Variants in CDH13 observed in about 807,000 individuals in gnomAD.
CDH13 encodes the protein cadherin-13.
CDH13 carries 24 observed loss-of-function variants against 63.8 expected under a neutral mutation model. The ratio of observed to expected loss-of-function variants is 0.38; its 90% CI spans 0.27 to 0.53. CDH13 has a LOEUF of 0.53. Ranked by LOEUF, CDH13 falls within the 20% of genes least tolerant of loss-of-function variation. CDH13 has a pLI of 0.85. For missense variants in CDH13, 1,049 were observed against 903.1 expected (o/e 1.16, Z -2.07); for synonymous variants, 503 against 355.3 (o/e 1.42, Z -4.67).
chr16:83,593,985 C>T (rs1467284686), intron 7 of CDH13, among the ~76,000 whole-genome samples: 2 of 152,202 alleles, frequency 1.3e-5, no homozygotes, highest in East Asian at 1.9e-4. Context: ...CTCACAGTTT[C>T]CCTGCTCAGG....
chr16:83,050,090 TCAGGA>T (rs1456218118), intron 3 of CDH13, among the ~76,000 whole-genome samples: 1 of 152,172 alleles, frequency 6.6e-6, no homozygotes, highest in African/African-American at 2.4e-5. Flanking sequence ...ATTAAGATAC[TCAGGA>T]TTCTTTACAA....
intron 1 of CDH13, 31 bp from the exon 2 acceptor site, chr16:82,858,331 A>C: frequency 6.9e-7 from 1 of 1,451,878 alleles, no homozygotes; most frequent in Non-Finnish European, 9.7e-7. Flanking sequence ...ATAAGCCGCT[A>C]TTAAAATATT....
chr16:83,510,013 TG>T (rs775787846), intron 7 of CDH13, among the ~76,000 whole-genome samples: 19 of 152,216 alleles, frequency 1.2e-4, no homozygotes, highest in Non-Finnish European at 2.1e-4. Context: ...CCTGCTTTAA[TG>T]GACTTTTTCA....
intron 6 of CDH13, among the ~76,000 whole-genome samples, chr16:83,472,310 G>T (rs1332540963): frequency 6.6e-6 from 1 of 152,180 alleles, no homozygotes; most frequent in Non-Finnish European, 1.5e-5. Context: ...AGGCCAGTGG[G>T]GATTTATGTT....
intron 10 of CDH13, among the ~76,000 whole-genome samples, chr16:83,688,049 C>T (rs560615265): frequency 7.1e-4 from 108 of 152,304 alleles, no homozygotes; most frequent in African/African-American, 2.4e-3. Context: ...AAGAATACAA[C>T]ATAGAATAAT....
chr16:82,761,238 G>T (rs1016449646), intron 1 of CDH13, among the ~76,000 whole-genome samples: 1 of 151,576 alleles, frequency 6.6e-6, no homozygotes, highest in African/African-American at 2.4e-5. Flanking sequence ...GGCTGGTCTT[G>T]AACTCCTGAC....
At chr16:83,001,686 C>G (rs925719060) in intron 2 of CDH13, among the ~76,000 whole-genome samples, 9 of 152,166 alleles carry the variant, frequency 5.9e-5, no homozygotes, top group Non-Finnish European at 1.3e-4. Flanking sequence ...AGAAGGGGTT[C>G]TGTGTGACCA....
chr16:83,097,494 C>T (rs888625211), intron 3 of CDH13, among the ~76,000 whole-genome samples: 3 of 152,142 alleles, frequency 2.0e-5, no homozygotes, highest in African/African-American at 7.2e-5. Context: ...TGCATAATTG[C>T]AGCAGAGTTA....
chr16:82,673,090 C>A (rs1343659823), intron 1 of CDH13, among the ~76,000 whole-genome samples: 1 of 135,220 alleles, frequency 7.4e-6, no homozygotes, highest in African/African-American at 2.8e-5. Context: ...AATCTTTCCA[C>A]CTTGGCCTTA....
intron 6 of CDH13, among the ~76,000 whole-genome samples, chr16:83,348,995 G>A (rs1312638605): frequency 1.3e-5 from 2 of 152,206 alleles, no homozygotes; most frequent in Non-Finnish European, 2.9e-5. Flanking sequence ...GTCCCCATGT[G>A]TTCGAATGCC....
At chr16:83,672,407 CTCTTTTTTTTTTT>C (rs1567504312) in intron 9 of CDH13, among the ~76,000 whole-genome samples, 8 of 55,186 alleles carry the variant, frequency 1.4e-4, no homozygotes, top group Non-Finnish European at 2.6e-4. Context: ...TCTCTGGATT[CTCTTTTTTTTTTT>C]TTTTTTTTTT....
At chr16:83,767,810 A>G (rs1015503129) in intron 11 of CDH13, among the ~76,000 whole-genome samples, 14 of 152,178 alleles carry the variant, frequency 9.2e-5, no homozygotes, top group Admixed American at 7.2e-4. Context: ...ATCTGTAGAG[A>G]CAGAAAATTG....
At chr16:82,913,130 T>C (rs1037165495) in intron 2 of CDH13, among the ~76,000 whole-genome samples, 3 of 152,156 alleles carry the variant, frequency 2.0e-5, no homozygotes, top group Admixed American at 6.5e-5. Flanking sequence ...AATTTTTTTC[T>C]TAAAAAACTC....
intron 7 of CDH13, among the ~76,000 whole-genome samples, chr16:83,597,674 T>C (rs1907398262): frequency 6.6e-6 from 1 of 152,236 alleles, no homozygotes; most frequent in African/African-American, 2.4e-5. Context: ...TTTAGACTTT[T>C]GAAACCTCAT....
intron 3 of CDH13, among the ~76,000 whole-genome samples, chr16:83,072,164 C>G (rs2032485600): frequency 6.6e-6 from 1 of 152,102 alleles, no homozygotes; most frequent in Non-Finnish European, 1.5e-5. Context: ...GTATTTTACC[C>G]TTAAAGCTAA....
intron 1 of CDH13, among the ~76,000 whole-genome samples, chr16:82,771,696 A>T (rs75165813): frequency 0.052 from 7,864 of 152,284 alleles, 254 homozygotes; most frequent in Middle Eastern, 0.12. Flanking sequence ...TTGCTTCCCC[A>T]GAAGAAGGTC....
At position 83,797,063 on chromosome 16, in the gene CDH13, C is replaced by T. The variant is rs867461568; in HGVS notation, c.*2033C>T. 2.6e-5 allele frequency: 4 copies of T among 152,270 alleles called. No homozygotes were observed. Among genetic ancestry groups the T allele is most frequent in the South Asian group, 2.1e-4 (1 of 4,836 alleles). 9.4% of individuals were successfully genotyped at this position (152,270 alleles called of 1,614,324 possible). On this transcript the variant is annotated 3_prime_UTR_variant, in exon 14 of 14. Transcript: ENST00000567109. ...GCATTCACACTCCACAAGATTTCCT[C>T]TACTGGCTTTACAGGGCACTGTCAC...
At position 83,055,582 on chromosome 16, in the gene CDH13, G is replaced by A. The variant is rs143096978; in HGVS notation, c.366+23364G>A. On this transcript the variant is annotated intron_variant, in intron 3 of 13. Transcript: ENST00000567109. Reference sequence around the variant, plus strand: ...CCAAAAAAAAAGAAATATAAAATCTGGTAAGTTCTACATTTATTAAATGAA... The same window carrying A: ...CCAAAAAAAAAGAAATATAAAATCTAGTAAGTTCTACATTTATTAAATGAA... 6.1e-4 allele frequency among the ~76,000 whole-genome samples: 93 copies of A among 151,922 alleles called. No homozygotes were observed. In the East Asian group the frequency reaches 0.012, roughly 20 times the overall value.
chr16:82,802,522 A>G (rs2036916589), intron 1 of CDH13, among the ~76,000 whole-genome samples: 1 of 152,118 alleles, frequency 6.6e-6, no homozygotes, highest in South Asian at 2.1e-4. Flanking sequence ...GGTCCCTAAG[A>G]CTTAGCAGCA....
Sources: allele counts gnomAD v4.1 joint callset (sites outside exome capture counted in the v4.1 genomes callset), GRCh38; gene constraint gnomAD v4.1.1; transcripts MANE v1.5; gene names NCBI Gene and HGNC (gene_info 2026-07-23, HGNC 2026-07-21).